The following RFX3 variants were observed in gnomAD, a reference collection of about 807,000 sequenced individuals.
The protein encoded by RFX3 is transcription factor RFX3.
A neutral mutation model predicts 98.6 loss-of-function variants in RFX3; 14 were observed. That is an observed-to-expected ratio of 0.14 (90% CI 0.09 to 0.22). The LOEUF is 0.22. Ranked by LOEUF, RFX3 falls within the 10% of genes least tolerant of loss-of-function variation. The pLI is 1.00. For missense variants in RFX3, 639 were observed against 926.9 expected, an observed-to-expected ratio of 0.69 and a Z score of 4.03; for synonymous variants, 383 against 328.4, an observed-to-expected ratio of 1.17 and a Z score of -1.80.
At chr9:3,304,314 AAC>A (rs140789933) in intron 4 of RFX3, among the ~76,000 whole-genome samples, 85 of 152,136 alleles carry the variant, frequency 5.6e-4, no homozygotes, top group African/African-American at 1.8e-3. Flanking sequence ...TTTTTTAAAA[AAC>A]AGTTTCTTTT....
intron 9 of RFX3, among the ~76,000 whole-genome samples, chr9:3,273,462 C>T (rs1421660680): frequency 2.0e-5 from 3 of 152,192 alleles, no homozygotes; most frequent in South Asian, 2.1e-4. Context: ...CTATTTCAAC[C>T]TTATTCAGGG....
chr9:3,236,730 G>C (rs1819204415), intron 15 of RFX3, among the ~76,000 whole-genome samples: 1 of 152,182 alleles, frequency 6.6e-6, no homozygotes, highest in Non-Finnish European at 1.5e-5. Context: ...CTGGGAACAT[G>C]ATAATCAGCA....
At chr9:3,256,864 A>T in intron 14 of RFX3, 127 bp downstream of exon 14, 1 of 812,102 alleles carries the variant, frequency 1.2e-6, no homozygotes, top group Non-Finnish European at 2.0e-6. Flanking sequence ...TAGTTGTAAC[A>T]GGGAGTTTCC....
rs972724566 is a variant in RFX3 at position 3,245,052 on chromosome 9, A to C, written c.1968+2980T>G. ...CATGACAGAGCTAGAAGTAGAATTC[A>C]CTTCTGACTCAAAGTCCTTTATTGT... On this transcript the variant is annotated intron_variant, in intron 15 of 16. Transcript: ENST00000617270. 2.2e-4 allele frequency among the ~76,000 whole-genome samples: 34 copies of C among 152,370 alleles called. 1 individual carries two copies. In the South Asian group the frequency reaches 3.5e-3, roughly 16 times the overall value.
chr9:3,430,266 T>G (rs908701146), intron 1 of RFX3, among the ~76,000 whole-genome samples: 1 of 152,236 alleles, frequency 6.6e-6, no homozygotes, highest in Admixed American at 6.5e-5. Context: ...ATGGATAGCA[T>G]GCTAGGCTGT....
At chr9:3,517,862 T>C (rs373425434) in intron 1 of RFX3, among the ~76,000 whole-genome samples, 3 of 152,268 alleles carry the variant, frequency 2.0e-5, no homozygotes, top group East Asian at 3.9e-4. Flanking sequence ...TCGGAAATGG[T>C]AAGAATAACC....
rs1819221526 is a variant in RFX3, at chr9:3,525,730, G to A, written c.-9+17C>T. 1 of 229,220 alleles carries A rather than the reference G, an allele frequency of 4.4e-6. No homozygotes were observed. Among genetic ancestry groups the A allele is most frequent in the South Asian group, 1.6e-4 (1 of 6,344 alleles). 14.2% of individuals were successfully genotyped at this position (229,220 alleles called of 1,614,324 possible). The stretch of plus-strand genomic sequence containing the variant: ...CCACACGCTCCCACACACATGTAGA[G>A]ACCGAAGAATATTCACCTTGGCTGT... On this transcript the variant is annotated intron_variant, in intron 1 of 16. Transcript: ENST00000617270.
chr9:3,405,753 C>T (rs1192325949), intron 1 of RFX3, among the ~76,000 whole-genome samples: 6 of 152,112 alleles, frequency 3.9e-5, no homozygotes, highest in African/African-American at 1.2e-4. Context: ...ATCTATATCT[C>T]GCCACACAGA....
At chr9:3,415,145 CTATATATATTCTTA>C (rs1384335986) in intron 1 of RFX3, among the ~76,000 whole-genome samples, 1 of 127,908 alleles carries the variant, frequency 7.8e-6, no homozygotes, top group East Asian at 2.1e-4. Context: ...TATCTATATA[CTATATATATTCTTA>C]TATATATATA....
chr9:3,348,122 C>T (rs1033108797), intron 2 of RFX3, among the ~76,000 whole-genome samples: 15 of 151,980 alleles, frequency 9.9e-5, no homozygotes, highest in African/African-American at 2.2e-4. Flanking sequence ...TTTTATTTCC[C>T]GCCTATTACT....
chr9:3,272,589 G>A (rs1209359896), intron 9 of RFX3, among the ~76,000 whole-genome samples: 1 of 152,128 alleles, frequency 6.6e-6, no homozygotes, highest in African/African-American at 2.4e-5. Flanking sequence ...CCTCATCCCA[G>A]CAAAGATCAA....
chr9:3,411,270 T>G (rs1410450006), intron 1 of RFX3, among the ~76,000 whole-genome samples: 2 of 152,202 alleles, frequency 1.3e-5, no homozygotes, highest in East Asian at 3.8e-4. Context: ...CAATGGAATT[T>G]TTTTAAATGT....
At chr9:3,481,241 C>G (rs1849733148) in intron 1 of RFX3, among the ~76,000 whole-genome samples, 2 of 152,124 alleles carry the variant, frequency 1.3e-5, no homozygotes, top group African/African-American at 2.4e-5. Context: ...AAAATCCATT[C>G]TTAGCATCTA....
intron 1 of RFX3, among the ~76,000 whole-genome samples, chr9:3,424,003 C>T (rs184893862): frequency 4.0e-5 from 6 of 151,154 alleles, no homozygotes; most frequent in African/African-American, 1.5e-4. Context: ...AAAAATTAGC[C>T]GGGCGTGGTG....
chr9:3,429,529 C>T (rs1242889339), intron 1 of RFX3, among the ~76,000 whole-genome samples: 1 of 151,958 alleles, frequency 6.6e-6, no homozygotes, highest in Non-Finnish European at 1.5e-5. Context: ...TGAACACTGT[C>T]TGATTGTAGG....
At chr9:3,403,551 G>T (rs1841678423) in intron 1 of RFX3, among the ~76,000 whole-genome samples, 1 of 152,066 alleles carries the variant, frequency 6.6e-6, no homozygotes, top group Admixed American at 6.6e-5. Flanking sequence ...CAGGTTGGCT[G>T]AGTAACTTTT....
chr9:3,341,735 C>T (rs1833912241), intron 3 of RFX3, among the ~76,000 whole-genome samples: 1 of 152,200 alleles, frequency 6.6e-6, no homozygotes, highest in African/African-American at 2.4e-5. Flanking sequence ...GGGCAGTCCT[C>T]TCTCCAAAAG....
At chr9:3,414,961 TATATTC>T (rs1437883067) in intron 1 of RFX3, among the ~76,000 whole-genome samples, 1 of 137,860 alleles carries the variant, frequency 7.3e-6, no homozygotes, top group Non-Finnish European at 1.5e-5. Context: ...TGTGTGTGTA[TATATTC>T]ATATATACAC....
intron 1 of RFX3, among the ~76,000 whole-genome samples, chr9:3,415,357 G>A (rs963905510): frequency 4.0e-5 from 6 of 151,438 alleles, no homozygotes; most frequent in African/African-American, 1.5e-4. Context: ...AGAGATTAGA[G>A]GCGTGAGCCA....
Sources: allele counts gnomAD v4.1 joint callset (sites outside exome capture counted in the v4.1 genomes callset), GRCh38; gene constraint gnomAD v4.1.1; transcripts MANE v1.5; gene names NCBI Gene and HGNC (gene_info 2026-07-23, HGNC 2026-07-21).